MYO18A: variants seen among roughly 807,000 people sequenced by gnomAD.
MYO18A encodes myosin XVIIIA.
A neutral mutation model predicts 235.8 loss-of-function variants in MYO18A; 78 were observed. That is an observed-to-expected ratio of 0.33 (90% CI 0.28 to 0.40). The LOEUF (loss-of-function observed/expected upper bound fraction) is 0.40. Among genes scored for constraint, MYO18A ranks in the 10% least tolerant of loss-of-function variants. The probability of loss-of-function intolerance (pLI) is 1.00; values close to 1 mark genes in which losing one functional copy is unlikely to be tolerated. For synonymous variants in MYO18A, 977 were observed against 1,077.8 expected (o/e 0.91, Z 1.83); for missense variants, 2,215 against 2,699.3 (o/e 0.82, Z 3.98).
intron 2 of MYO18A, chr17:29,133,858 C>T (rs1355948482): frequency 2.3e-6 from 3 of 1,289,150 alleles, no homozygotes; most frequent in Non-Finnish European, 3.0e-6. Flanking sequence ...TAACCTGTGC[C>T]CTGGGTCAGA....
In MYO18A at chr17:29,151,028, C is replaced by T. The variant is rs574312095; in HGVS notation, c.999+14914G>A. Among the ~76,000 whole-genome samples the T allele has an allele frequency of 2.0e-5, 3 of 152,192 alleles. No homozygotes were observed. The South Asian group carries it at 6.2e-4, about 32-fold the overall frequency. The stretch of plus-strand genomic sequence containing the variant: ...CACAGGTCAGGAGTTGCTGTGGTTG[C>T]AAAGGTGTTGTTAACACAAGACCAG... On this transcript the variant is annotated intron_variant, in intron 2 of 41. Coordinates refer to ENST00000527372, the MANE Select transcript of MYO18A (RefSeq NM_078471.4).
Position 29,172,489 on chromosome 17 carries a change from G to GA in MYO18A, c.-81-5469dup, listed in dbSNP as rs201013508. 2.9e-3 allele frequency among the ~76,000 whole-genome samples: 432 copies of GA among 151,320 alleles called. 14 individuals are homozygous for GA. The East Asian group carries it at 0.073, about 26-fold the overall frequency. On this transcript the variant is annotated intron_variant, in intron 1 of 41. Coordinates refer to ENST00000527372, the MANE Select transcript of MYO18A (RefSeq NM_078471.4). ...AAAAAAAAAAAAATTAAATAAAAAT[G>GA]AAAAAAAATATGAGTAAATAGCTAT...
At chr17:29,101,105 G>A (rs553321316) in intron 21 of MYO18A, among the ~76,000 whole-genome samples, 4 of 151,592 alleles carry the variant, frequency 2.6e-5, no homozygotes, top group South Asian at 2.1e-4. Context: ...TTAAGCTATC[G>A]TCCCACCTCA....
At chr17:29,084,116 T>C (rs2066190769) in intron 40 of MYO18A, among the ~76,000 whole-genome samples, 1 of 152,170 alleles carries the variant, frequency 6.6e-6, no homozygotes, top group African/African-American at 2.4e-5. Context: ...ACACCACCTC[T>C]CTGCCATCAG....
At chr17:29,131,524 G>A (rs1345372971) in intron 2 of MYO18A, 8 of 696,582 alleles carry the variant, frequency 1.1e-5, no homozygotes, top group Non-Finnish European at 8.8e-6. Context: ...AACATTCAAG[G>A]GGCCTCCCTC....
At chr17:29,147,716 A>G (rs1342532827) in intron 2 of MYO18A, among the ~76,000 whole-genome samples, 1 of 151,954 alleles carries the variant, frequency 6.6e-6, no homozygotes, top group Non-Finnish European at 1.5e-5. Flanking sequence ...AGCCTGGGAA[A>G]CACAGAGACC....
rs758535041 is a variant in MYO18A at position 29,127,831 on chromosome 17, G to C, written c.1000-5578C>G. On this transcript the variant is annotated intron_variant, in intron 2 of 41. Coordinates refer to ENST00000527372, the MANE Select transcript of MYO18A (RefSeq NM_078471.4). ...GCTAGGGTGGTGAGGGGCAGGAGCG[G>C]TTAGTGACACACTCTTGTACCTCCT... The C allele has an allele frequency of 1.9e-5, 19 of 984,780 alleles. 1 individual carries two copies. The highest frequency in any genetic ancestry group is 2.2e-5 in the Non-Finnish European group (18 of 828,918). 61.0% of individuals were successfully genotyped at this position (984,780 alleles called of 1,614,324 possible).
Position 29,177,473 on chromosome 17 carries a change from C to G in MYO18A, c.-82+2840G>C, listed in dbSNP as rs1598408105. Among the ~76,000 whole-genome samples, 3 of 152,104 alleles carry G rather than the reference C, an allele frequency of 2.0e-5. No homozygotes were observed. The East Asian group carries it at 5.8e-4, about 29-fold the overall frequency. ...GGGAAGTGAAGGTGGGAAGTGGAGGCTCACCAGGTCTGCTCACCACCCCTC... is the reference window on the plus strand; with the variant it reads ...GGGAAGTGAAGGTGGGAAGTGGAGGGTCACCAGGTCTGCTCACCACCCCTC... On this transcript the variant is annotated intron_variant, in intron 1 of 41. Coordinates refer to ENST00000527372, the MANE Select transcript of MYO18A (RefSeq NM_078471.4).
Position 29,115,656 on chromosome 17 carries a change from A to G in MYO18A, c.2227+8T>C. ...ACTCACAACTACCAGCCAAGGGACA[A>G]AGGGTACCTGTCCCATCTCCCAGGC... On this transcript the variant is annotated splice_region_variant and intron_variant, in intron 12 of 41. Transcript: ENST00000527372. The G allele has an allele frequency of 6.3e-7, 1 of 1,587,618 alleles. No individual in the cohort carries two copies. Among genetic ancestry groups the G allele is most frequent in the Non-Finnish European group, 8.6e-7 (1 of 1,167,560 alleles).
chr17:29,170,153 C>T (rs1388729806), intron 1 of MYO18A, among the ~76,000 whole-genome samples: 1 of 152,194 alleles, frequency 6.6e-6, no homozygotes, highest in Non-Finnish European at 1.5e-5. Context: ...TCTAAGTCTC[C>T]TGTGGACACA....
intron 40 of MYO18A, among the ~76,000 whole-genome samples, chr17:29,083,249 C>T (rs778146757): frequency 1.3e-5 from 2 of 152,112 alleles, no homozygotes; most frequent in Non-Finnish European, 2.9e-5. Flanking sequence ...AGTGCTTCAT[C>T]GGGCAGAGCT....
intron 2 of MYO18A, among the ~76,000 whole-genome samples, chr17:29,124,037 G>C (rs2067261217): frequency 7.3e-6 from 1 of 136,166 alleles, no homozygotes; most frequent in Admixed American, 7.3e-5. Context: ...GACAGAGCGA[G>C]ACTCCATCTC....
chr17:29,126,087 C>T lies in MYO18A; in HGVS notation c.1000-3834G>A, dbSNP rs958464659. On this transcript the variant is annotated intron_variant, in intron 2 of 41. Coordinates refer to ENST00000527372, the MANE Select transcript of MYO18A (RefSeq NM_078471.4). The surrounding 1 kb of genome is among the most constrained non-coding windows in gnomAD (Gnocchi z 4.1). ...AAGGGGAGCAGCGCCAGGGAGCAAG[C>T]CGCGCGGCAATCTGAGTTTTTAAAC... 5 of 321,442 alleles carry T rather than the reference C, an allele frequency of 1.6e-5. No individual in the cohort carries two copies. The highest frequency in any genetic ancestry group is 2.2e-5 in the Non-Finnish European group (5 of 222,374). The allele number at this position is 321,442 out of a possible 1,614,324, so 19.9% of individuals were successfully genotyped here.
rs2068622290 is a variant in MYO18A, at chr17:29,180,282, C to G, written c.-82+31G>C. ...CGCCCCACCAAGCCGGGCCCGCCAC[C>G]GAGCGGCCGCCGCCGCCGACCGGCA... On this transcript the variant is annotated intron_variant, in intron 1 of 41. Transcript: ENST00000527372. The surrounding 1 kb of genome is among the most constrained non-coding windows in gnomAD (Gnocchi z 6.1). 2 of 150,598 alleles carry G rather than the reference C, an allele frequency of 1.3e-5. No individual in the cohort carries two copies. Among genetic ancestry groups the G allele is most frequent in the African/African-American group, 4.8e-5 (2 of 41,278 alleles). 9.3% of individuals were successfully genotyped at this position (150,598 alleles called of 1,614,324 possible).
intron 2 of MYO18A, among the ~76,000 whole-genome samples, chr17:29,162,245 C>T (rs2068189152): frequency 6.6e-6 from 1 of 152,226 alleles, no homozygotes; most frequent in African/African-American, 2.4e-5. Context: ...TTTCCTAAAA[C>T]CTGTTCCTAT....
intron 37 of MYO18A, among the ~76,000 whole-genome samples, chr17:29,087,348 T>C (rs1336276229): frequency 6.6e-6 from 1 of 152,138 alleles, no homozygotes; most frequent in East Asian, 1.9e-4. Flanking sequence ...AGGTAATGAA[T>C]GTGAATGCAC....
chr17:29,139,567 C>T (rs909642885), intron 2 of MYO18A, among the ~76,000 whole-genome samples: 3 of 152,140 alleles, frequency 2.0e-5, no homozygotes, highest in Non-Finnish European at 4.4e-5. Context: ...CCAGGCCAGC[C>T]CACGTACTCT....
rs750624381 is a variant in MYO18A at position 29,074,099 on chromosome 17, C to T, written c.*671G>A. On this transcript the variant is annotated 3_prime_UTR_variant, in exon 42 of 42. Transcript: ENST00000527372. The surrounding 1 kb of genome is among the most constrained non-coding windows in gnomAD (Gnocchi z 4.4). ...GCCCAGCAGCACCGGAGAGCCCCTC[C>T]GCACCTCATTCTTAAGAACCTGGAC... is the stretch of plus-strand genomic sequence containing the variant. 2.5e-5 allele frequency: 41 copies of T among 1,613,900 alleles called. No individual in the cohort carries two copies. Among genetic ancestry groups the T allele is most frequent in the East Asian group, 4.5e-5 (2 of 44,874 alleles).
At chr17:29,115,231 C>A in intron 13 of MYO18A, 120 bp downstream of exon 13, 2 of 1,428,994 alleles carry the variant, frequency 1.4e-6, no homozygotes, top group Admixed American at 2.0e-5. Flanking sequence ...TTGCTCATAG[C>A]CCATGGGACA....
Sources: gnomAD v4.1 joint callset for allele counts (sites outside exome capture counted in the v4.1 genomes callset) on GRCh38, gnomAD v4.1.1 for gene constraint, Gnocchi (gnomAD v3.1) non-coding constraint, MANE v1.5 for transcripts, NCBI Gene and HGNC (gene_info 2026-07-23, HGNC 2026-07-21) for gene names.